TNFSF13B: variants seen among roughly 807,000 people sequenced by gnomAD.
TNFSF13B encodes the protein tumor necrosis factor ligand superfamily member 13B.
In TNFSF13B, 8 loss-of-function variants were observed where a neutral mutation model predicts 29.1. The observed-to-expected ratio is 0.27, with a 90% CI of 0.16 to 0.50. The LOEUF (loss-of-function observed/expected upper bound fraction) is 0.50, where lower values mean the gene tolerates loss of function less well. TNFSF13B is among the 20% of genes least tolerant of loss of function. The pLI, the probability that TNFSF13B is intolerant of heterozygous loss-of-function variation, is 0.98. For synonymous variants in TNFSF13B, 125 were observed against 130.8 expected (o/e 0.96, Z 0.30); for missense variants, 248 against 334.9 (o/e 0.74, Z 2.03).
intron 2 of TNFSF13B, among the ~76,000 whole-genome samples, chr13:108,277,510 C>G (rs1880794694): frequency 6.6e-6 from 1 of 152,068 alleles, no homozygotes; most frequent in African/African-American, 2.4e-5. Context: ...GAGTCCCGAT[C>G]CAGACCCCCG....
chr13:108,288,398 G>A (rs961543780), intron 3 of TNFSF13B, among the ~76,000 whole-genome samples: 1 of 152,032 alleles, frequency 6.6e-6, no homozygotes, highest in African/African-American at 2.4e-5. Context: ...AAAATAACGG[G>A]CCTTGAAAAA....
At chr13:108,281,393 A>G (rs1880950491) in intron 2 of TNFSF13B, among the ~76,000 whole-genome samples, 1 of 152,186 alleles carries the variant, frequency 6.6e-6, no homozygotes, top group African/African-American at 2.4e-5. Flanking sequence ...CAGGAACACT[A>G]TAGTGCTATT....
chr13:108,284,866 A>G (rs983280134), intron 2 of TNFSF13B, among the ~76,000 whole-genome samples: 2 of 152,210 alleles, frequency 1.3e-5, no homozygotes. Context: ...TGTGGCTACT[A>G]CTGTACTACT....
intron 3 of TNFSF13B, among the ~76,000 whole-genome samples, chr13:108,297,038 AC>A (rs1361102561): frequency 1.4e-5 from 2 of 145,622 alleles, no homozygotes; most frequent in African/African-American, 5.1e-5. Context: ...ATGTACCTTT[AC>A]TTGTATTCTT....
In TNFSF13B at chr13:108,298,532, A is replaced by G. The variant is rs181826070; in HGVS notation, c.482-4721A>G. Among the ~76,000 whole-genome samples the G allele has an allele frequency of 1.8e-4, 27 of 145,948 alleles. 2 individuals carry two copies. In the East Asian group the frequency reaches 4.5e-3, roughly 24 times the overall value. On this transcript the variant is annotated intron_variant, in intron 3 of 5. Coordinates refer to ENST00000375887, the MANE Select transcript of TNFSF13B (RefSeq NM_006573.5). ...AAGATTCCAAATCTTATTAAAATCA[A>G]TTATAGTAAGTCTTGAAGTAGAGTA...
At position 108,295,579 on chromosome 13, in the gene TNFSF13B, A is replaced by G. The variant is rs1050021326; in HGVS notation, c.482-7674A>G. Among the ~76,000 whole-genome samples, 2 of 143,754 alleles carry G rather than the reference A, an allele frequency of 1.4e-5. 1 individual carries two copies. Among genetic ancestry groups the G allele is most frequent in the African/African-American group, 5.3e-5 (2 of 37,920 alleles). The allele number at this position is 143,754 out of a possible 152,430, so 94.3% of individuals were successfully genotyped here. ...CTTTATTATTTTCTTCCTTCTGTCA[A>G]TTTTGGGCTTAGTTTCTTCTTCTAT... is the stretch of plus-strand genomic sequence containing the variant. On this transcript the variant is annotated intron_variant, in intron 3 of 5. Transcript: ENST00000375887.
chr13:108,272,035 C>A (rs193223992), intron 2 of TNFSF13B, among the ~76,000 whole-genome samples: 4 of 152,208 alleles, frequency 2.6e-5, no homozygotes, highest in Admixed American at 6.5e-5. Flanking sequence ...TACATGCAAT[C>A]AAAAATGTGG....
rs1206395875 is a variant in TNFSF13B at position 108,303,478 on chromosome 13, G to A, written c.619G>A (p.Ala207Thr). The change falls in exon 5 of 6, where the codon GCC becomes ACC. Residue 207 changes from alanine (A) to threonine (T), a missense_variant. By Grantham distance (58) the Ala-to-Thr change is moderately conservative. Around this residue, in one of 2 missense-constraint regions of TNFSF13B, gnomAD observed 62 missense variants for 138.6 expected, o/e 0.45. Coordinates refer to ENST00000375887, the MANE Select transcript of TNFSF13B (RefSeq NM_006573.5). ...GGTTTTATATACTGATAAGACCTAC[G>A]CCATGGGACATCTAATTCAGAGGAA... ...GQVLYTDKTYAMGHLIQRKKV... is the reference protein window; with the variant it reads ...GQVLYTDKTYTMGHLIQRKKV... The A allele has an allele frequency of 1.4e-5, 22 of 1,613,200 alleles. No homozygotes were observed. The highest frequency in any genetic ancestry group is 1.5e-5 in the Non-Finnish European group (18 of 1,179,686).
chr13:108,278,027 C>G (rs1880807068), intron 2 of TNFSF13B, among the ~76,000 whole-genome samples: 1 of 152,170 alleles, frequency 6.6e-6, no homozygotes, highest in Non-Finnish European at 1.5e-5. Flanking sequence ...CCTCTGACAT[C>G]ATTATACAGA....
chr13:108,273,679 A>C (rs916704766), intron 2 of TNFSF13B, among the ~76,000 whole-genome samples: 1 of 152,190 alleles, frequency 6.6e-6, no homozygotes, highest in Admixed American at 6.5e-5. Flanking sequence ...ATCTCCAATC[A>C]GTTGGATATT....
In TNFSF13B at chr13:108,294,715, C is replaced by T. The variant is rs1881420618; in HGVS notation, c.481+7856C>T. On this transcript the variant is annotated intron_variant, in intron 3 of 5. Transcript: ENST00000375887. ...TTGTGTGGCATTGATATCAGTGTAA[C>T]TCTAGACATACAGAACAAGTTAGGA... Among the ~76,000 whole-genome samples the T allele has an allele frequency of 1.8e-5, 2 of 109,462 alleles. 1 individual carries two copies. The highest frequency in any genetic ancestry group is 1.6e-4 in the Admixed American group (2 of 12,274). 71.8% of individuals were successfully genotyped at this position (109,462 alleles called of 152,430 possible). A position where few individuals can be genotyped will look rare whatever the true frequency, so the allele number is the denominator to read the frequency against.
At chr13:108,305,109 G>A (rs939815497) in intron 5 of TNFSF13B, among the ~76,000 whole-genome samples, 23 of 151,928 alleles carry the variant, frequency 1.5e-4, no homozygotes, top group African/African-American at 4.1e-4. Flanking sequence ...ATAATTCACC[G>A]GACTTTAAAA....
chr13:108,289,792 T>C (rs1881255500), intron 3 of TNFSF13B, among the ~76,000 whole-genome samples: 1 of 151,970 alleles, frequency 6.6e-6, no homozygotes, highest in Non-Finnish European at 1.5e-5. Context: ...CTATGCTTGC[T>C]CTGCCCCATA....
chr13:108,303,689 G>A lies in TNFSF13B; in HGVS notation c.745+85G>A, dbSNP rs1193715775. On this transcript the variant is annotated intron_variant, in intron 5 of 5. Transcript: ENST00000375887. ...TGAGCTGCAAAATGCAAAAATGAAA[G>A]GATGGTGCCCTAAAATACAAATAGA... is the stretch of plus-strand genomic sequence containing the variant. 23 of 1,391,604 alleles carry A rather than the reference G, an allele frequency of 1.7e-5. No homozygotes were observed. The East Asian group carries it at 2.3e-4, about 14-fold the overall frequency. The allele number at this position is 1,391,604 out of a possible 1,614,324, so 86.2% of individuals were successfully genotyped here. A position where few individuals can be genotyped will look rare whatever the true frequency, so the allele number is the denominator to read the frequency against.
intron 3 of TNFSF13B, among the ~76,000 whole-genome samples, chr13:108,291,973 C>G (rs1881327649): frequency 6.6e-6 from 1 of 152,030 alleles, no homozygotes; most frequent in African/African-American, 2.4e-5. Flanking sequence ...TCAGTTATAT[C>G]TTTTTATTGA....
chr13:108,282,974 T>A (rs976189552), intron 2 of TNFSF13B, among the ~76,000 whole-genome samples: 1 of 152,248 alleles, frequency 6.6e-6, no homozygotes, highest in Non-Finnish European at 1.5e-5. Flanking sequence ...TGATAATTAC[T>A]ATCAAATTGT....
chr13:108,300,559 A>C (rs1881591987), intron 3 of TNFSF13B, among the ~76,000 whole-genome samples: 1 of 152,204 alleles, frequency 6.6e-6, no homozygotes, highest in Non-Finnish European at 1.5e-5. Flanking sequence ...AGTGCTTTGC[A>C]TACATTATGT....
Position 108,286,841 on chromosome 13 carries a change from A to G in TNFSF13B, c.463A>G (p.Thr155Ala). The change falls in exon 3 of 6, where the codon ACA becomes GCA. Residue 155 changes from threonine to alanine, a missense_variant. Thr to Ala is a moderately conservative substitution (Grantham distance 58, BLOSUM62 0). Around this residue, in one of 2 missense-constraint regions of TNFSF13B, gnomAD observed 186 missense variants for 196.3 expected, o/e 0.95. Transcript: ENST00000375887. ...CTTGCAACTGATTGCAGACAGTGAA[A>G]CACCAACTATACAAAAAGGTAATAA... ...DCLQLIADSE[T>A]PTIQKGSYTF... 3.2e-6 allele frequency: 5 copies of G among 1,571,440 alleles called. No individual in the cohort carries two copies. The highest frequency in any genetic ancestry group is 4.3e-6 in the Non-Finnish European group (5 of 1,154,012).
At chr13:108,293,118 C>G (rs1881369436) in intron 3 of TNFSF13B, among the ~76,000 whole-genome samples, 1 of 151,852 alleles carries the variant, frequency 6.6e-6, no homozygotes, top group African/African-American at 2.4e-5. Flanking sequence ...AGCAGAGGTC[C>G]AAAATCATCT....
Sources: gnomAD v4.1 joint callset for allele counts (sites outside exome capture counted in the v4.1 genomes callset) on GRCh38, gnomAD v4.1.1 for gene constraint, gnomAD v4.1.1 regional missense constraint, MANE v1.5 for transcripts, NCBI Gene and HGNC (gene_info 2026-07-23, HGNC 2026-07-21) for gene names.